The following PARD3B variants were observed in gnomAD, a reference collection of about 807,000 sequenced individuals.
The protein encoded by PARD3B is partitioning defective 3 homolog B.
A neutral mutation model predicts 130.2 loss-of-function variants in PARD3B; 103 were observed. That is an observed-to-expected ratio of 0.79 (90% CI 0.67 to 0.93). The LOEUF (loss-of-function observed/expected upper bound fraction) is 0.93, where lower values mean the gene tolerates loss of function less well. Ranked by LOEUF, PARD3B falls within the 40% of genes least tolerant of loss-of-function variation. PARD3B has a pLI of 0.00. For synonymous variants in PARD3B, 583 were observed against 553.2 expected (o/e 1.05, Z -0.76); for missense variants, 1,609 against 1,499.2 (o/e 1.07, Z -1.21).
intron 19 of PARD3B, among the ~76,000 whole-genome samples, chr2:205,426,200 T>C (rs1259757450): frequency 2.6e-5 from 4 of 152,128 alleles, no homozygotes; most frequent in African/African-American, 4.8e-5. Context: ...AAATGAAACA[T>C]TGATCACAAA....
chr2:204,924,937 A>G (rs1414600277), intron 2 of PARD3B, among the ~76,000 whole-genome samples: 1 of 151,424 alleles, frequency 6.6e-6, no homozygotes, highest in African/African-American at 2.4e-5. Context: ...AAATTCTGCC[A>G]ACTGTAACAT....
At chr2:204,766,470 T>A (rs1399087005) in intron 2 of PARD3B, among the ~76,000 whole-genome samples, 1 of 152,160 alleles carries the variant, frequency 6.6e-6, no homozygotes, top group Non-Finnish European at 1.5e-5. Context: ...CTGAAGTTTG[T>A]CATAAGTTCC....
intron 1 of PARD3B, among the ~76,000 whole-genome samples, chr2:204,636,480 G>C (rs991673971): frequency 6.6e-6 from 1 of 151,052 alleles, no homozygotes; most frequent in Non-Finnish European, 1.5e-5. Context: ...GTGTGTGTGT[G>C]TGTGTGTGTG....
intron 15 of PARD3B, among the ~76,000 whole-genome samples, chr2:205,201,350 G>A (rs1056550895): frequency 2.6e-5 from 4 of 152,004 alleles, no homozygotes; most frequent in Non-Finnish European, 4.4e-5. Context: ...GATGGAAAAC[G>A]GAATTCTGGT....
intron 3 of PARD3B, among the ~76,000 whole-genome samples, chr2:205,029,573 C>T (rs1697282234): frequency 6.6e-6 from 1 of 152,192 alleles, no homozygotes; most frequent in African/African-American, 2.4e-5. Flanking sequence ...AAGCCCTCTT[C>T]AACAGTTAGA....
At chr2:205,261,134 A>T (rs922460564) in intron 16 of PARD3B, among the ~76,000 whole-genome samples, 1 of 152,136 alleles carries the variant, frequency 6.6e-6, no homozygotes, top group African/African-American at 2.4e-5. Flanking sequence ...GTGCATTTTT[A>T]ATCTATCCAA....
chr2:204,977,687 C>G (rs1237013839), intron 3 of PARD3B, among the ~76,000 whole-genome samples: 1 of 151,982 alleles, frequency 6.6e-6, no homozygotes, highest in Non-Finnish European at 1.5e-5. Context: ...TGGCGGGCGC[C>G]TGTAGTCCCA....
chr2:205,610,802 A>G (rs1240887958), intron 22 of PARD3B, among the ~76,000 whole-genome samples: 1 of 152,104 alleles, frequency 6.6e-6, no homozygotes, highest in Non-Finnish European at 1.5e-5. Flanking sequence ...GAATTTAGAA[A>G]TCAGTCTCAC....
At chr2:205,095,649 CCT>C (rs1427018786) in intron 4 of PARD3B, among the ~76,000 whole-genome samples, 1 of 152,146 alleles carries the variant, frequency 6.6e-6, no homozygotes, top group African/African-American at 2.4e-5. Flanking sequence ...AACAGAATTC[CCT>C]CTCTACCCAC....
At chr2:205,054,436 A>ATTTTTTTTT (rs769918623) in intron 4 of PARD3B, among the ~76,000 whole-genome samples, 1 of 28,438 alleles carries the variant, frequency 3.5e-5, no homozygotes, top group African/African-American at 1.5e-4. Flanking sequence ...ATATATATAT[A>ATTTTTTTTT]TTTTTTTTTT....
chr2:204,832,605 A>C (rs1420431133), intron 2 of PARD3B, among the ~76,000 whole-genome samples: 3 of 152,186 alleles, frequency 2.0e-5, no homozygotes, highest in Admixed American at 6.5e-5. Flanking sequence ...AGTGGACATA[A>C]GAGAAGACTG....
intron 18 of PARD3B, among the ~76,000 whole-genome samples, chr2:205,314,795 A>G (rs987663751): frequency 3.3e-5 from 5 of 152,124 alleles, no homozygotes; most frequent in Non-Finnish European, 7.3e-5. Context: ...CAGCTTCAAC[A>G]TGTCTAAAAT....
intron 2 of PARD3B, among the ~76,000 whole-genome samples, chr2:204,850,891 C>A (rs1477938862): frequency 6.6e-6 from 1 of 152,162 alleles, no homozygotes; most frequent in Non-Finnish European, 1.5e-5. Flanking sequence ...GACTGTCTGG[C>A]AAATTACACT....
intron 2 of PARD3B, among the ~76,000 whole-genome samples, chr2:204,832,598 G>A (rs963316650): frequency 6.6e-5 from 10 of 152,148 alleles, no homozygotes; most frequent in Non-Finnish European, 1.2e-4. Flanking sequence ...GAGGTGCAGT[G>A]GACATAAGAG....
In PARD3B at chr2:204,675,587, G is replaced by T. The variant is rs1345064184; in HGVS notation, c.121-10594G>T. Among the ~76,000 whole-genome samples the T allele has an allele frequency of 6.6e-6, 1 of 151,830 alleles. No individual in the cohort carries two copies. The highest frequency in any genetic ancestry group is 1.5e-5 in the Non-Finnish European group (1 of 67,962). On this transcript the variant is annotated intron_variant, in intron 1 of 22. Coordinates refer to ENST00000406610, the MANE Select transcript of PARD3B (RefSeq NM_001302769.2). The surrounding 1 kb of genome is among the most constrained non-coding windows in gnomAD (Gnocchi z 4.4). ...CTTTATTAAAAAAAAGCTCTATCTA[G>T]ATCTGGACCTTTTCTTCTCAAATAA...
At chr2:205,271,188 C>T (rs1345624792) in intron 16 of PARD3B, among the ~76,000 whole-genome samples, 2 of 152,112 alleles carry the variant, frequency 1.3e-5, no homozygotes, top group Admixed American at 6.5e-5. Flanking sequence ...AAAAATCATA[C>T]TCTTAAGGAT....
At chr2:204,956,063 T>C (rs1690211106) in intron 2 of PARD3B, among the ~76,000 whole-genome samples, 2 of 152,326 alleles carry the variant, frequency 1.3e-5, no homozygotes, top group South Asian at 2.1e-4. Context: ...GGAGGCCAGA[T>C]TGGAAGTCAG....
chr2:205,242,228 A>G (rs544049060), intron 15 of PARD3B, among the ~76,000 whole-genome samples: 1 of 152,224 alleles, frequency 6.6e-6, no homozygotes, highest in Admixed American at 6.5e-5. Flanking sequence ...ATTTTCTACA[A>G]TGTTTTTCAA....
chr2:204,896,498 A>G (rs758867453), intron 2 of PARD3B, among the ~76,000 whole-genome samples: 11 of 152,208 alleles, frequency 7.2e-5, no homozygotes, highest in South Asian at 4.1e-4. Flanking sequence ...TATTACATAT[A>G]TATGAAATGG....
Sources: gnomAD v4.1 joint callset for allele counts (sites outside exome capture counted in the v4.1 genomes callset) on GRCh38, gnomAD v4.1.1 for gene constraint, Gnocchi (gnomAD v3.1) non-coding constraint, MANE v1.5 for transcripts, NCBI Gene and HGNC (gene_info 2026-07-23, HGNC 2026-07-21) for gene names.